The following ZNF747 variants were observed in gnomAD, a reference collection of about 807,000 sequenced individuals.
The protein encoded by ZNF747 is zinc finger protein 747.
In ZNF747, 14 loss-of-function variants were observed where a neutral mutation model predicts 13.4. That is an observed-to-expected ratio of 1.04 (90% CI 0.69 to 1.63). The LOEUF (loss-of-function observed/expected upper bound fraction) is 1.63, where lower values mean the gene tolerates loss of function less well. Among genes scored for constraint, ZNF747 ranks in the 40% most tolerant of loss-of-function variants. ZNF747 has a pLI of 0.00. For missense variants in ZNF747, 532 were observed against 477.9 expected, an observed-to-expected ratio of 1.11 and a Z score of -1.05; for synonymous variants, 212 against 206.5, an observed-to-expected ratio of 1.03 and a Z score of -0.23.
In ZNF747 at chr16:30,532,208, C is replaced by G. The variant is rs1031273639; in HGVS notation, c.*291G>C. On this transcript the variant is annotated 3_prime_UTR_variant, in exon 3 of 3. Coordinates refer to ENST00000693075, the MANE Select transcript of ZNF747 (RefSeq NM_001305018.2). ...GAGAAAACAAGGTTCTTCTCTACCT[C>G]AATCCTCTTAGCATCTCTGGGAGGA... is the stretch of plus-strand genomic sequence containing the variant. 1.3e-5 allele frequency: 7 copies of G among 534,330 alleles called. No individual in the cohort carries two copies. In the African/African-American group the frequency reaches 1.3e-4, roughly 10 times the overall value. The allele number at this position is 534,330 out of a possible 1,614,324, so 33.1% of individuals were successfully genotyped here.
intron 2 of ZNF747, 84 bp from the exon 3 acceptor site, chr16:30,533,235 C>G (rs769784976): frequency 1.9e-6 from 3 of 1,565,680 alleles, no homozygotes; most frequent in Non-Finnish European, 2.6e-6. Flanking sequence ...GACAGGCCTG[C>G]TGGACCCCCG....
chr16:30,534,101 A>G (rs974977712), intron 2 of ZNF747, 96 bp downstream of exon 2: 2 of 1,446,860 alleles, frequency 1.4e-6, no homozygotes, highest in East Asian at 2.5e-5. Context: ...CAGTTCAGAG[A>G]GGAAACTGCT....
chr16:30,534,091 C>T (rs2051418144), intron 2 of ZNF747, 106 bp downstream of exon 2: 4 of 1,419,764 alleles, frequency 2.8e-6, no homozygotes, highest in East Asian at 5.2e-5. Context: ...GTTGAGGAGG[C>T]AGTTCAGAGA....
At chr16:30,534,401 G>A (rs750386939) in intron 1 of ZNF747, 50 bp downstream of exon 1, 3 of 1,557,726 alleles carry the variant, frequency 1.9e-6, no homozygotes, top group Non-Finnish European at 1.7e-6. Flanking sequence ...CCAGAGGCGC[G>A]GCAGGGCCTG....
Position 30,534,757 on chromosome 16 carries a change from G to T in ZNF747, c.-78C>A. 2 of 1,451,000 alleles carry T rather than the reference G, an allele frequency of 1.4e-6. No homozygotes were observed. Among genetic ancestry groups the T allele is most frequent in the Non-Finnish European group, 1.8e-6 (2 of 1,106,162 alleles). 89.9% of individuals were successfully genotyped at this position (1,451,000 alleles called of 1,614,324 possible). ...CCCGGCCCGGTACCAAGGGAAGGAGGGACGTCAGTAGAGCCCCCGAAGGCC... is the reference window on the plus strand; with the variant it reads ...CCCGGCCCGGTACCAAGGGAAGGAGTGACGTCAGTAGAGCCCCCGAAGGCC... On this transcript the variant is annotated 5_prime_UTR_variant, in exon 1 of 3. Transcript: ENST00000693075.
chr16:30,534,486 A>T lies in ZNF747; in HGVS notation c.194T>A (p.Val65Glu). 5.0e-6 allele frequency: 8 copies of T among 1,606,954 alleles called. No individual in the cohort carries two copies. Among genetic ancestry groups the T allele is most frequent in the Non-Finnish European group, 6.8e-6 (8 of 1,177,134 alleles). ...RPAQRALYRD[V>E]MRETYGHLGA... ...CAGGTGGCCGTAGGTCTCCCGCATC[A>T]CGTCCCGGTACAGGGCCCTCTGCGC... Residue 65 changes from valine to glutamate, a missense_variant, in exon 1 of 3, where the codon GTG becomes GAG. By Grantham distance (121) the Val-to-Glu change is moderately radical (BLOSUM62 -2). Coordinates refer to ENST00000693075, the MANE Select transcript of ZNF747 (RefSeq NM_001305018.2).
rs1173164738 is a variant in ZNF747, at chr16:30,530,420, G to T, written c.*2079C>A. 1 of 152,234 alleles carries T rather than the reference G, an allele frequency of 6.6e-6. No homozygotes were observed. The highest frequency in any genetic ancestry group is 1.5e-5 in the Non-Finnish European group (1 of 68,064). The allele number at this position is 152,234 out of a possible 1,614,324, so 9.4% of individuals were successfully genotyped here. On this transcript the variant is annotated 3_prime_UTR_variant, in exon 3 of 3. Coordinates refer to ENST00000693075, the MANE Select transcript of ZNF747 (RefSeq NM_001305018.2). The surrounding 1 kb of genome is among the most constrained non-coding windows in gnomAD (Gnocchi z 4.4). ...GCAAACTCAGGGCCAAGATCTATCT[G>T]GCTGTCAGTCTGGGCTGAGAACTGG...
chr16:30,533,303 GCCTGGAGGGAGGGAA>G, intron 2 of ZNF747, 152 bp from the exon 3 acceptor site: 1 of 1,059,066 alleles, frequency 9.4e-7, no homozygotes, highest in Admixed American at 2.5e-5. Flanking sequence ...GCCAGACAGA[GCCTGGAGGGAGGGAA>G]CAGTCCATTC....
chr16:30,533,313 A>C (rs2051407834), intron 2 of ZNF747, among the ~76,000 whole-genome samples, 162 bp from the exon 3 acceptor site: 1 of 152,086 alleles, frequency 6.6e-6, no homozygotes, highest in Non-Finnish European at 1.5e-5. Context: ...GCCTGGAGGG[A>C]GGGAACAGTC....
In ZNF747 at chr16:30,530,582, T is replaced by TA. The variant is rs2051361063; in HGVS notation, c.*1916dup. 6.6e-6 allele frequency: 1 copy of TA among 152,160 alleles called. No individual in the cohort carries two copies. The highest frequency in any genetic ancestry group is 1.5e-5 in the Non-Finnish European group (1 of 68,062). The allele number at this position is 152,160 out of a possible 1,614,324, so 9.4% of individuals were successfully genotyped here. On this transcript the variant is annotated 3_prime_UTR_variant, in exon 3 of 3. Coordinates refer to ENST00000693075, the MANE Select transcript of ZNF747 (RefSeq NM_001305018.2). This position sits in a 1 kb window ranked among gnomAD's most constrained non-coding sequence, Gnocchi z 4.4. The stretch of plus-strand genomic sequence containing the variant: ...CTTCTCACCCCATGTGCCCCTGTGA[T>TA]AAAGTGACACACGAGTCAACCCGCC...
At position 30,532,587 on chromosome 16, in the gene ZNF747, AG is replaced by A; in HGVS notation, c.907del (p.Leu303CysfsTer3). 1 of 1,572,694 alleles carries A rather than the reference AG, an allele frequency of 6.4e-7. No individual in the cohort carries two copies. Among genetic ancestry groups the A allele is most frequent in the South Asian group, 1.2e-5 (1 of 86,366 alleles). On this transcript the variant is annotated frameshift_variant, in exon 3 of 3. Coordinates refer to ENST00000693075, the MANE Select transcript of ZNF747 (RefSeq NM_001305018.2). LOFTEE classifies it low-confidence loss of function (END_TRUNC). ...EGRRGRRPGGLSVTLTPVRGD... is the reference protein window; with the variant it reads ...EGRRGRRPGGXSVTLTPVRGD... ...GCGGACAGGAGTCAGGGTCACAGAC[AG>A]CCCCCCAGGGCGCCGGCCCCTACGC...
In ZNF747 at chr16:30,532,681, C is replaced by G. The variant is rs924939811; in HGVS notation, c.814G>C (p.Gly272Arg). Reference protein sequence around the residue: ...GEKPYRCPQCGRCFGLKTGMA... With the variant: ...GEKPYRCPQCRRCFGLKTGMA... Reference sequence around the variant, plus strand: ...CCGGTCTTCAGGCCGAAGCAGCGGCCACACTGCGGGCAGCGGTAGGGCTTC... The same window carrying G: ...CCGGTCTTCAGGCCGAAGCAGCGGCGACACTGCGGGCAGCGGTAGGGCTTC... Residue 272 changes from glycine (G) to arginine (R), a missense_variant, in exon 3 of 3, where the codon GGC becomes CGC. By Grantham distance (125) the Gly-to-Arg change is moderately radical. Coordinates refer to ENST00000693075, the MANE Select transcript of ZNF747 (RefSeq NM_001305018.2). 3.9e-6 allele frequency: 6 copies of G among 1,538,858 alleles called. No individual in the cohort carries two copies. In the African/African-American group the frequency reaches 8.2e-5, roughly 21 times the overall value.
chr16:30,533,261 T>C (rs1209109392), intron 2 of ZNF747, 110 bp from the exon 3 acceptor site: 22 of 1,393,838 alleles, frequency 1.6e-5, no homozygotes, highest in Non-Finnish European at 2.1e-5. Context: ...TCCTAGGAGA[T>C]GGAGGAGTGA....
chr16:30,534,154 G>C, intron 2 of ZNF747, 43 bp downstream of exon 2: 1 of 1,582,282 alleles, frequency 6.3e-7, no homozygotes, highest in South Asian at 1.2e-5. Context: ...GGATGGGACA[G>C]GAACAGAGAA....
Position 30,532,979 on chromosome 16 carries a change from G to T in ZNF747, c.516C>A (p.His172Gln). 1.2e-6 allele frequency: 2 copies of T among 1,607,956 alleles called. No individual in the cohort carries two copies. Among genetic ancestry groups the T allele is most frequent in the Non-Finnish European group, 1.7e-6 (2 of 1,178,764 alleles). The change falls in exon 3 of 3, where the codon CAC becomes CAA. Residue 172 changes from histidine to glutamine, a missense_variant. By Grantham distance (24) the His-to-Gln change is conservative. Transcript: ENST00000693075. ...GCTGGTCAGCTCGGGGGACAGGGGG[G>T]TGGGCAAAAAAGCGGGGGCGACTCC... ...RRRSRPRFFA[H>Q]PPVPRADQRH... is the part of the protein sequence containing the mutation.
At chr16:30,533,875 A>C (rs1302049307) in intron 2 of ZNF747, among the ~76,000 whole-genome samples, 1 of 151,992 alleles carries the variant, frequency 6.6e-6, no homozygotes, top group African/African-American at 2.4e-5. Context: ...TCAAGACTGC[A>C]GTGAGCTATG....
Position 30,534,501 on chromosome 16 carries a change from G to A in ZNF747, c.179C>T (p.Ala60Val). 1 of 1,608,886 alleles carries A rather than the reference G, an allele frequency of 6.2e-7. No individual in the cohort carries two copies. Among genetic ancestry groups the A allele is most frequent in the Non-Finnish European group, 8.5e-7 (1 of 1,178,066 alleles). Residue 60 changes from alanine to valine, a missense_variant, in exon 1 of 3, where the codon GCC (alanine) becomes GTC (valine). Transcript: ENST00000693075. ...EWGCLRPAQR[A>V]LYRDVMRETY... is the part of the protein sequence containing the mutation. ...CTCCCGCATCACGTCCCGGTACAGG[G>A]CCCTCTGCGCGGGCCGCAGGCAGCC...
Position 30,531,870 on chromosome 16 carries a change from G to C in ZNF747, c.*629C>G, listed in dbSNP as rs189733726. Reference sequence around the variant, plus strand: ...TCAAAGAATAAAAAAGAAAAGGCCAGGTGAGGTGGCTCACGCCTGTAATCC... The same window carrying C: ...TCAAAGAATAAAAAAGAAAAGGCCACGTGAGGTGGCTCACGCCTGTAATCC... On this transcript the variant is annotated 3_prime_UTR_variant, in exon 3 of 3. Coordinates refer to ENST00000693075, the MANE Select transcript of ZNF747 (RefSeq NM_001305018.2). The C allele has an allele frequency of 6.5e-6, 1 of 153,538 alleles. No homozygotes were observed. The highest frequency in any genetic ancestry group is 2.0e-4 in the East Asian group (1 of 5,118). 9.5% of individuals were successfully genotyped at this position (153,538 alleles called of 1,614,324 possible). A position where few individuals can be genotyped will look rare whatever the true frequency, so the allele number is the denominator to read the frequency against.
chr16:30,532,746 C>G lies in ZNF747; in HGVS notation c.749G>C (p.Arg250Pro), dbSNP rs115499189. The change falls in exon 3 of 3, where the codon CGC (arginine) becomes CCC (proline). Residue 250 changes from arginine to proline, a missense_variant. Physicochemically the swap from Arg to Pro is moderately radical, Grantham distance 103. Coordinates refer to ENST00000693075, the MANE Select transcript of ZNF747 (RefSeq NM_001305018.2). ...GCGCAGGTGAGAAGTCAGCGCCGTG[C>G]GGCGCATGAAGGCCCGACCACACTC... ...CPECGRAFMRRTALTSHLRVH... is the reference protein window; with the variant it reads ...CPECGRAFMRPTALTSHLRVH... 1 of 1,543,070 alleles carries G rather than the reference C, an allele frequency of 6.5e-7. No individual in the cohort carries two copies.
Sources: gnomAD v4.1 joint callset for allele counts (sites outside exome capture counted in the v4.1 genomes callset) on GRCh38, gnomAD v4.1.1 for gene constraint, Gnocchi (gnomAD v3.1) non-coding constraint, MANE v1.5 for transcripts, NCBI Gene and HGNC (gene_info 2026-07-23, HGNC 2026-07-21) for gene names.